EXOC4: variants seen among roughly 807,000 people sequenced by gnomAD.
EXOC4 encodes the protein exocyst complex component 4, also known as SEC8-like 1.
A neutral mutation model predicts 107.2 loss-of-function variants in EXOC4; 71 were observed. The ratio of observed to expected loss-of-function variants is 0.66; its 90% CI spans 0.55 to 0.81. EXOC4 has a LOEUF of 0.81. EXOC4 is among the 30% of genes least tolerant of loss of function. The pLI, the probability that EXOC4 is intolerant of heterozygous loss-of-function variation, is 0.00. For missense variants in EXOC4, 1,108 were observed against 1,189.6 expected, an observed-to-expected ratio of 0.93 and a Z score of 1.01; for synonymous variants, 456 against 441.2, an observed-to-expected ratio of 1.03 and a Z score of -0.42.
intron 11 of EXOC4, among the ~76,000 whole-genome samples, chr7:133,847,637 G>A (rs1374381939): frequency 3.3e-5 from 5 of 149,698 alleles, no homozygotes; most frequent in Non-Finnish European, 7.4e-5. Flanking sequence ...AGCCCACCTC[G>A]GGCTCCCAAA....
intron 5 of EXOC4, among the ~76,000 whole-genome samples, chr7:133,334,398 A>G (rs1795463444): frequency 2.0e-5 from 3 of 152,212 alleles, no homozygotes; most frequent in Non-Finnish European, 4.4e-5. Flanking sequence ...AGGATACTAT[A>G]GATACTCCTT....
At chr7:133,880,530 A>G (rs1798944068) in intron 11 of EXOC4, among the ~76,000 whole-genome samples, 1 of 152,234 alleles carries the variant, frequency 6.6e-6, no homozygotes, top group Non-Finnish European at 1.5e-5. Context: ...ACTTAGCCGT[A>G]GAGTTGCATT....
rs17167380 is a variant in EXOC4 at position 134,007,566 on chromosome 7, G to T, written c.2528-110G>T. ...CATCAGAGGTAGATTTTCTTTGGTC[G>T]TTTAAATGTATAGAGGATTAGAAGA... On this transcript the variant is annotated intron_variant, in intron 16 of 17. Coordinates refer to ENST00000253861, the MANE Select transcript of EXOC4 (RefSeq NM_021807.4). 450 of 1,004,938 alleles carry T rather than the reference G, an allele frequency of 4.5e-4. 1 individual carries two copies. The African/African-American group carries it at 6.8e-3, about 15-fold the overall frequency. The allele number at this position is 1,004,938 out of a possible 1,614,324, so 62.3% of individuals were successfully genotyped here.
intron 10 of EXOC4, among the ~76,000 whole-genome samples, chr7:133,634,583 G>A (rs1308051196): frequency 6.6e-6 from 1 of 152,094 alleles, no homozygotes; most frequent in East Asian, 1.9e-4. Context: ...TCTGCCTCCT[G>A]GGTTTAAGCA....
At chr7:134,019,936 G>C (rs1440050202) in intron 17 of EXOC4, among the ~76,000 whole-genome samples, 1 of 152,056 alleles carries the variant, frequency 6.6e-6, no homozygotes, top group Non-Finnish European at 1.5e-5. Flanking sequence ...TTCCTACCTT[G>C]GTGGTGTTAT....
At chr7:133,692,612 A>G (rs1794446032) in intron 10 of EXOC4, among the ~76,000 whole-genome samples, 3 of 152,322 alleles carry the variant, frequency 2.0e-5, no homozygotes, top group South Asian at 4.1e-4. Context: ...TCCCCTTCCA[A>G]TGAATCAGAA....
intron 17 of EXOC4, among the ~76,000 whole-genome samples, chr7:134,026,382 G>A (rs1477839343): frequency 6.6e-6 from 1 of 151,652 alleles, no homozygotes; most frequent in Non-Finnish European, 1.5e-5. Context: ...GCCAATTCCT[G>A]TGGCCCAGAG....
intron 10 of EXOC4, among the ~76,000 whole-genome samples, chr7:133,698,452 C>A (rs1794585686): frequency 6.6e-6 from 1 of 151,924 alleles, no homozygotes; most frequent in Non-Finnish European, 1.5e-5. Flanking sequence ...TGTAGTGGCG[C>A]CCGCCTTTAG....
intron 17 of EXOC4, among the ~76,000 whole-genome samples, chr7:134,011,727 A>G (rs1794768783): frequency 6.6e-6 from 1 of 152,002 alleles, no homozygotes; most frequent in Non-Finnish European, 1.5e-5. Context: ...GCAAGATGCA[A>G]AGTAATAAAT....
chr7:133,979,617 C>G (rs1350268536), intron 14 of EXOC4, among the ~76,000 whole-genome samples: 1 of 152,040 alleles, frequency 6.6e-6, no homozygotes, highest in Non-Finnish European at 1.5e-5. Context: ...AAAACCCTGT[C>G]TCTACCAAAA....
chr7:133,386,019 T>TAA (rs1796718231), intron 7 of EXOC4, among the ~76,000 whole-genome samples: 1 of 152,176 alleles, frequency 6.6e-6, no homozygotes, highest in African/African-American at 2.4e-5. Flanking sequence ...ATTGTGAATA[T>TAA]TCAGGATTTC....
intron 9 of EXOC4, among the ~76,000 whole-genome samples, chr7:133,623,942 G>T (rs780821677): frequency 1.3e-4 from 20 of 152,138 alleles, no homozygotes; most frequent in Non-Finnish European, 2.2e-4. Context: ...CTCTGGCAGG[G>T]TGACAGCTGT....
intron 17 of EXOC4, chr7:134,009,964 C>A (rs980219800): frequency 2.2e-4 from 33 of 152,136 alleles, no homozygotes; most frequent in African/African-American, 8.0e-4. Context: ...CACGCCTTGC[C>A]TTTCACAGTC....
intron 1 of EXOC4, among the ~76,000 whole-genome samples, chr7:133,264,945 G>A (rs1466448944): frequency 1.3e-5 from 2 of 152,026 alleles, no homozygotes; most frequent in African/African-American, 4.8e-5. Flanking sequence ...TTCTCAGATT[G>A]GCCCTTTAGT....
chr7:133,678,833 T>C (rs1039671949), intron 10 of EXOC4, among the ~76,000 whole-genome samples: 1 of 152,024 alleles, frequency 6.6e-6, no homozygotes, highest in African/African-American at 2.4e-5. Flanking sequence ...TTGCCTAGGC[T>C]GGTCTCAAAC....
At chr7:133,539,891 C>T (rs940380288) in intron 9 of EXOC4, among the ~76,000 whole-genome samples, 1 of 152,026 alleles carries the variant, frequency 6.6e-6, no homozygotes, top group African/African-American at 2.4e-5. Context: ...TCTATATGCT[C>T]TCCCAGAAGA....
intron 7 of EXOC4, among the ~76,000 whole-genome samples, chr7:133,446,508 A>G (rs1798223594): frequency 6.6e-6 from 1 of 152,188 alleles, no homozygotes; most frequent in South Asian, 2.1e-4. Context: ...TAACTTGGCA[A>G]GATTACTCTG....
chr7:133,495,126 T>C (rs1799447510), intron 9 of EXOC4, among the ~76,000 whole-genome samples: 1 of 151,800 alleles, frequency 6.6e-6, no homozygotes, highest in Admixed American at 6.6e-5. Flanking sequence ...GTGGCACATA[T>C]CTGTAATCCC....
At chr7:133,372,173 A>C (rs1165234940) in intron 6 of EXOC4, among the ~76,000 whole-genome samples, 1 of 152,116 alleles carries the variant, frequency 6.6e-6, no homozygotes, top group Non-Finnish European at 1.5e-5. Flanking sequence ...TTGCCTTTTT[A>C]CTTTCTTGAT....
Sources: gnomAD v4.1 joint callset for allele counts (sites outside exome capture counted in the v4.1 genomes callset) on GRCh38, gnomAD v4.1.1 for gene constraint, MANE v1.5 for transcripts, NCBI Gene and HGNC (gene_info 2026-07-23, HGNC 2026-07-21) for gene names.